The following ARHGAP32 variants were observed in gnomAD, a reference collection of about 807,000 sequenced individuals.
ARHGAP32 encodes the protein Rho GTPase activating protein 32, also known as rho GTPase-activating protein 32.
In ARHGAP32, 51 loss-of-function variants were observed where a neutral mutation model predicts 186.5. The ratio of observed to expected loss-of-function variants is 0.27; its 90% CI spans 0.22 to 0.35. ARHGAP32 has a LOEUF of 0.35. ARHGAP32 is among the 10% of genes least tolerant of loss of function. The pLI, the probability that ARHGAP32 is intolerant of heterozygous loss-of-function variation, is 1.00. For missense variants in ARHGAP32, 2,186 were observed against 2,623.5 expected (o/e 0.83, Z 3.64); for synonymous variants, 950 against 964.3 (o/e 0.99, Z 0.27).
At chr11:129,136,620 C>A (rs868299537) in intron 2 of ARHGAP32, among the ~76,000 whole-genome samples, 46 of 151,900 alleles carry the variant, frequency 3.0e-4, no homozygotes, top group African/African-American at 1.0e-3. Context: ...AATAATAAAT[C>A]AAATCTATCA....
chr11:129,276,630 C>A (rs1265635686), intron 1 of ARHGAP32, among the ~76,000 whole-genome samples: 1 of 152,184 alleles, frequency 6.6e-6, no homozygotes, highest in Non-Finnish European at 1.5e-5. Flanking sequence ...TTTTAAATTT[C>A]TGTTACAACA....
chr11:129,187,778 T>C (rs1390139330), intron 1 of ARHGAP32, among the ~76,000 whole-genome samples: 1 of 152,188 alleles, frequency 6.6e-6, no homozygotes, highest in East Asian at 1.9e-4. Flanking sequence ...ATATAAGTTG[T>C]AGCTTTTTGG....
chr11:128,989,834 G>C (rs1011798201), intron 12 of ARHGAP32, among the ~76,000 whole-genome samples: 1 of 151,782 alleles, frequency 6.6e-6, no homozygotes, highest in Non-Finnish European at 1.5e-5. Context: ...TCTTGTGATA[G>C]TTTGCTGAGA....
intron 1 of ARHGAP32, among the ~76,000 whole-genome samples, chr11:129,228,032 GCTCT>G (rs1565474092): frequency 6.6e-6 from 1 of 151,994 alleles, no homozygotes. Context: ...CACAAACTAC[GCTCT>G]CTAAAAACAA....
At chr11:129,026,746 A>G (rs1766510704) in intron 11 of ARHGAP32, among the ~76,000 whole-genome samples, 1 of 145,274 alleles carries the variant, frequency 6.9e-6, no homozygotes, top group Non-Finnish European at 1.5e-5. Flanking sequence ...GGTTGCAGTG[A>G]GCCAAGTAGC....
chr11:129,042,959 T>C (rs191804810), intron 10 of ARHGAP32, among the ~76,000 whole-genome samples: 11 of 152,280 alleles, frequency 7.2e-5, no homozygotes, highest in Middle Eastern at 3.4e-3. Context: ...CCATGACGGA[T>C]AGAATGTTAA....
At chr11:129,204,836 G>A (rs1944496540) in intron 1 of ARHGAP32, among the ~76,000 whole-genome samples, 1 of 152,068 alleles carries the variant, frequency 6.6e-6, no homozygotes, top group African/African-American at 2.4e-5. Flanking sequence ...TTAATTTGGG[G>A]TATCTTATTT....
chr11:129,248,815 T>A (rs1945139069), intron 1 of ARHGAP32, among the ~76,000 whole-genome samples: 1 of 152,236 alleles, frequency 6.6e-6, no homozygotes. Context: ...CATGTGTTTT[T>A]TTCTGCTGTA....
chr11:129,242,222 T>C (rs577251395), intron 1 of ARHGAP32, among the ~76,000 whole-genome samples: 2 of 152,286 alleles, frequency 1.3e-5, no homozygotes, highest in Non-Finnish European at 2.9e-5. Context: ...CAAGGCCAAG[T>C]ACTTGAACAT....
intron 5 of ARHGAP32, among the ~76,000 whole-genome samples, chr11:129,099,759 G>A (rs2135294388): frequency 6.6e-6 from 1 of 152,236 alleles, no homozygotes; most frequent in Admixed American, 6.5e-5. Context: ...AGCAGTGGGG[G>A]AGAACAAGGT....
At chr11:129,115,570 T>A (rs1201933699) in intron 5 of ARHGAP32, among the ~76,000 whole-genome samples, 2 of 152,030 alleles carry the variant, frequency 1.3e-5, no homozygotes, top group Non-Finnish European at 2.9e-5. Flanking sequence ...TGAGACCAAA[T>A]AACACGACAG....
At chr11:129,191,997 A>G in intron 1 of ARHGAP32, 86 bp downstream of exon 1, 1 of 1,029,882 alleles carries the variant, frequency 9.7e-7, no homozygotes, top group South Asian at 1.4e-5. Flanking sequence ...CTTATTGGAA[A>G]AAAGACCGAA....
chr11:129,180,580 A>T (rs1043177517), intron 1 of ARHGAP32, among the ~76,000 whole-genome samples: 2 of 152,162 alleles, frequency 1.3e-5, no homozygotes, highest in Non-Finnish European at 2.9e-5. Flanking sequence ...GGGCCATGCA[A>T]TGATGAACCA....
intron 1 of ARHGAP32, among the ~76,000 whole-genome samples, chr11:129,235,187 A>G (rs1944912447): frequency 6.6e-6 from 1 of 152,184 alleles, no homozygotes; most frequent in Non-Finnish European, 1.5e-5. Flanking sequence ...CGGAACTTAA[A>G]TAAACTTCTG....
intron 10 of ARHGAP32, among the ~76,000 whole-genome samples, chr11:129,055,458 T>G (rs1000362806): frequency 1.3e-5 from 2 of 152,232 alleles, no homozygotes; most frequent in African/African-American, 2.4e-5. Flanking sequence ...CTTGAAAACT[T>G]ATGTCCACAC....
Position 129,278,646 on chromosome 11 carries a change from G to A in ARHGAP32, c.-5+500C>T, listed in dbSNP as rs539633237. Among the ~76,000 whole-genome samples, 18 of 152,200 alleles carry A rather than the reference G, an allele frequency of 1.2e-4. No individual in the cohort carries two copies. The South Asian group carries it at 3.3e-3, about 28-fold the overall frequency. ...GGCAACTTCAGTCAATCGGAAAGACGAGGGGGGAACTCCACGGGAGCCTAA... is the reference window on the plus strand; with the variant it reads ...GGCAACTTCAGTCAATCGGAAAGACAAGGGGGGAACTCCACGGGAGCCTAA... On this transcript the variant is annotated intron_variant, in intron 1 of 6. Transcript: ENST00000525234.
At chr11:129,173,762 T>C (rs527320109) in intron 1 of ARHGAP32, among the ~76,000 whole-genome samples, 2 of 152,330 alleles carry the variant, frequency 1.3e-5, no homozygotes, top group East Asian at 1.9e-4. Context: ...ATGAAAATTA[T>C]TGAAAAACAC....
rs1432734071 is a variant in ARHGAP32 at position 128,972,956 on chromosome 11, G to C, written c.3550C>G (p.Pro1184Ala). The C allele has an allele frequency of 6.2e-7, 1 of 1,613,938 alleles. No individual in the cohort carries two copies. Among genetic ancestry groups the C allele is most frequent in the Non-Finnish European group, 8.5e-7 (1 of 1,180,040 alleles). ...DPEKARITSV[P>A]LDSEKSDDHV... ...TCATCAGACTTCTCTGAGTCTAAGG[G>C]AACTGAAGTAATTCTGGCCTTTTCT... The change falls in exon 22 of 23, where the codon CCC (proline) becomes GCC (alanine). Residue 1184 changes from proline (P) to alanine (A), a missense_variant. Pro to Ala is a conservative substitution (Grantham distance 27). Transcript: ENST00000682385.
chr11:128,998,575 T>C (rs1723473194), intron 11 of ARHGAP32, 107 bp from the exon 12 acceptor site: 9 of 715,976 alleles, frequency 1.3e-5, no homozygotes, highest in South Asian at 8.6e-5. Context: ...TAATCTATTA[T>C]GAATATACTT....
Sources: gnomAD v4.1 joint callset for allele counts (sites outside exome capture counted in the v4.1 genomes callset) on GRCh38, gnomAD v4.1.1 for gene constraint, MANE v1.5 for transcripts, NCBI Gene and HGNC (gene_info 2026-07-23, HGNC 2026-07-21) for gene names.